The following UBE3A variants were observed in gnomAD, a reference collection of about 807,000 sequenced individuals.
The protein encoded by UBE3A is ubiquitin-protein ligase E3A.
UBE3A carries 6 observed loss-of-function variants against 83.4 expected under a neutral mutation model. The ratio of observed to expected loss-of-function variants is 0.07; its 90% CI spans 0.04 to 0.14. UBE3A has a LOEUF of 0.14. Among genes scored for constraint, UBE3A ranks in the 10% least tolerant of loss-of-function variants. UBE3A has a pLI of 1.00. For synonymous variants in UBE3A, 337 were observed against 355.4 expected (o/e 0.95, Z 0.58); for missense variants, 456 against 1,036.1 (o/e 0.44, Z 7.69).
intron 11 of UBE3A, among the ~76,000 whole-genome samples, chr15:25,352,821 TGAG>T (rs1185116766): frequency 6.6e-6 from 1 of 152,212 alleles, no homozygotes; most frequent in Non-Finnish European, 1.5e-5. Flanking sequence ...CATCAACTCT[TGAG>T]GATGAGTTGG....
rs2075881381 is a variant in UBE3A, at chr15:25,347,592, C to T, written c.2354+6761G>A. 2.0e-5 allele frequency among the ~76,000 whole-genome samples: 3 copies of T among 151,944 alleles called. No individual in the cohort carries two copies. In the South Asian group the frequency reaches 6.2e-4, roughly 32 times the overall value. ...GCATGTGCCTGTAGTCCCAGCTACCCAGGAGGCTGAGGCGGGAGGATTGCT... is the reference window on the plus strand; with the variant it reads ...GCATGTGCCTGTAGTCCCAGCTACCTAGGAGGCTGAGGCGGGAGGATTGCT... On this transcript the variant is annotated intron_variant, in intron 11 of 12. Coordinates refer to ENST00000648336, the MANE Select transcript of UBE3A (RefSeq NM_130839.5).
At chr15:25,354,144 CTTAT>C in intron 11 of UBE3A, 2 of 608,468 alleles carry the variant, frequency 3.3e-6, no homozygotes, top group Non-Finnish European at 5.8e-6. Context: ...TTACATGAGA[CTTAT>C]ATATAACAAC....
intron 3 of UBE3A, chr15:25,408,490 A>C: frequency 1.6e-6 from 2 of 1,234,150 alleles, no homozygotes; most frequent in South Asian, 1.3e-5. Flanking sequence ...ATAACATTGG[A>C]TAATAAAATG....
intron 5 of UBE3A, chr15:25,374,039 T>G (rs954297587): frequency 2.0e-5 from 3 of 152,166 alleles, no homozygotes; most frequent in Middle Eastern, 3.2e-3. Context: ...TAATTAGTGT[T>G]AACAAACATA....
intron 4 of UBE3A, among the ~76,000 whole-genome samples, chr15:25,379,081 C>T (rs901779995): frequency 2.0e-5 from 3 of 152,066 alleles, no homozygotes; most frequent in South Asian, 2.1e-4. Flanking sequence ...TCTTTCTGGA[C>T]GTAAGTTTCC....
chr15:25,345,894 G>A (rs1382911639), intron 11 of UBE3A: 1 of 152,078 alleles, frequency 6.6e-6, no homozygotes, highest in Non-Finnish European at 1.5e-5. Context: ...AACTAAACTA[G>A]AAGAAACATA....
intron 1 of UBE3A, among the ~76,000 whole-genome samples, chr15:25,436,898 T>C (rs1163786770): frequency 6.6e-6 from 1 of 152,202 alleles, no homozygotes; most frequent in Non-Finnish European, 1.5e-5. Flanking sequence ...CAGAGGATAG[T>C]GAGCATACTA....
chr15:25,416,272 C>T (rs1470012722), intron 1 of UBE3A, among the ~76,000 whole-genome samples: 2 of 152,154 alleles, frequency 1.3e-5, no homozygotes, highest in Non-Finnish European at 2.9e-5. Context: ...ATGTCCGTAA[C>T]AGCAGATTAA....
intron 8 of UBE3A, among the ~76,000 whole-genome samples, chr15:25,356,464 T>C (rs941935350): frequency 6.6e-6 from 1 of 152,208 alleles, no homozygotes; most frequent in Admixed American, 6.5e-5. Flanking sequence ...CACTTCTCTA[T>C]GAAATCAATC....
chr15:25,367,222 T>TGC (rs2079357677), intron 6 of UBE3A, among the ~76,000 whole-genome samples: 9 of 74,198 alleles, frequency 1.2e-4, no homozygotes, highest in South Asian at 7.4e-4. Context: ...TGTAAATATT[T>TGC]ACATATTTGT....
chr15:25,360,710 C>A (rs199658386), intron 6 of UBE3A, among the ~76,000 whole-genome samples, 183 bp from the exon 7 acceptor site: 1 of 152,090 alleles, frequency 6.6e-6, no homozygotes, highest in East Asian at 1.9e-4. Context: ...TAAAGATAAT[C>A]AAAAAGACAG....
intron 1 of UBE3A, among the ~76,000 whole-genome samples, chr15:25,430,027 C>CTACATATA (rs1555433089): frequency 1.5e-5 from 1 of 66,222 alleles, no homozygotes; most frequent in African/African-American, 1.2e-4. Flanking sequence ...AAAAAAAAAC[C>CTACATATA]TATATATATA....
At chr15:25,435,820 A>T (rs923921741) in intron 1 of UBE3A, among the ~76,000 whole-genome samples, 2 of 152,212 alleles carry the variant, frequency 1.3e-5, no homozygotes, top group Non-Finnish European at 2.9e-5. Flanking sequence ...CCTGGCCTTA[A>T]AAAGTTCATA....
rs1325331581 is a variant in UBE3A, at chr15:25,367,190, AATATTTAC to A, written c.1608+3368_1608+3375del. On this transcript the variant is annotated intron_variant, in intron 6 of 12. Coordinates refer to ENST00000648336, the MANE Select transcript of UBE3A (RefSeq NM_130839.5). ...ATATTTACATATTTGTAAATATGTA[AATATTTAC>A]ATATTTGTAAATATGTAAATATTTA... Among the ~76,000 whole-genome samples the A allele has an allele frequency of 4.6e-3, 374 of 81,664 alleles. 2 individuals are homozygous for A. Among genetic ancestry groups the A allele is most frequent in the African/African-American group, 0.03 (289 of 9,638 alleles). 53.6% of individuals were successfully genotyped at this position (81,664 alleles called of 152,430 possible). A position where few individuals can be genotyped will look rare whatever the true frequency, so the allele number is the denominator to read the frequency against.
intron 4 of UBE3A, among the ~76,000 whole-genome samples, chr15:25,398,772 TATATATATATATATA>T (rs1567067199): frequency 1.8e-4 from 1 of 5,626 alleles, no homozygotes; most frequent in Non-Finnish European, 2.9e-4. Flanking sequence ...TTCTTTTATT[TATATATATATATATA>T]TATATATATA....
chr15:25,350,833 T>C (rs973166314), intron 11 of UBE3A, among the ~76,000 whole-genome samples: 1 of 152,182 alleles, frequency 6.6e-6, no homozygotes, highest in Admixed American at 6.5e-5. Flanking sequence ...TAAGATTCCA[T>C]TCATAAGAAA....
chr15:25,375,020 T>C (rs955324214), intron 5 of UBE3A: 4 of 200,568 alleles, frequency 2.0e-5, no homozygotes, highest in Non-Finnish European at 4.0e-5. Flanking sequence ...AACGTAGAAT[T>C]CTCACATAAC....
At chr15:25,435,379 G>T (rs1394130144) in intron 1 of UBE3A, among the ~76,000 whole-genome samples, 1 of 152,132 alleles carries the variant, frequency 6.6e-6, no homozygotes, top group Non-Finnish European at 1.5e-5. Flanking sequence ...ATAAATGTTA[G>T]TTGATCATTT....
In UBE3A at chr15:25,337,528, TAACA is replaced by T. The variant is rs1008903975; in HGVS notation, c.*1605_*1608del. The T allele has an allele frequency of 2.2e-4, 33 of 152,286 alleles. No homozygotes were observed. Among genetic ancestry groups the T allele is most frequent in the African/African-American group, 7.0e-4 (29 of 41,566 alleles). The allele number at this position is 152,286 out of a possible 1,614,324, so 9.4% of individuals were successfully genotyped here. ...CAGTTTTATTTAGCATTATGGTACA[TAACA>T]AACAGTTCTGTCTCAATTATGAAAA... On this transcript the variant is annotated 3_prime_UTR_variant, in exon 13 of 13. Coordinates refer to ENST00000648336, the MANE Select transcript of UBE3A (RefSeq NM_130839.5).
Sources: gnomAD v4.1 joint callset for allele counts (sites outside exome capture counted in the v4.1 genomes callset) on GRCh38, gnomAD v4.1.1 for gene constraint, MANE v1.5 for transcripts, NCBI Gene and HGNC (gene_info 2026-07-23, HGNC 2026-07-21) for gene names.